INHBB: variants seen among roughly 807,000 people sequenced by gnomAD.
The protein encoded by INHBB is inhibin beta B chain.
INHBB carries 8 observed loss-of-function variants against 28.9 expected under a neutral mutation model. The observed-to-expected ratio is 0.28, with a 90% CI of 0.16 to 0.50. The LOEUF is 0.50. INHBB is among the 20% of genes least tolerant of loss of function. The pLI, the probability that INHBB is intolerant of heterozygous loss-of-function variation, is 0.98. For missense variants in INHBB, 499 were observed against 597.8 expected (o/e 0.83, Z 1.72); for synonymous variants, 293 against 262.7 (o/e 1.12, Z -1.12).
rs1344417224 is a variant in INHBB, at chr2:120,351,598, T to C, written c.*1724T>C. On this transcript the variant is annotated 3_prime_UTR_variant, in exon 2 of 2. Transcript: ENST00000295228. ...TATTCGGTTTGATGTGTCTTTTCCA[T>C]CCTTACACACCCAGAAGGTAGAGTA... The C allele has an allele frequency of 1.3e-5, 2 of 152,198 alleles. No individual in the cohort carries two copies. Among genetic ancestry groups the C allele is most frequent in the Non-Finnish European group, 2.9e-5 (2 of 68,038 alleles). 9.4% of individuals were successfully genotyped at this position (152,198 alleles called of 1,614,324 possible).
At chr2:120,347,064 GGAGA>G (rs919508181) in intron 1 of INHBB, among the ~76,000 whole-genome samples, 1 of 152,226 alleles carries the variant, frequency 6.6e-6, no homozygotes, top group Non-Finnish European at 1.5e-5. Context: ...GTGGGCCGGA[GGAGA>G]GAGAGAGTGT....
Position 120,346,150 on chromosome 2 carries a change from T to G in INHBB, c.-39T>G. 1 of 1,079,058 alleles carries G rather than the reference T, an allele frequency of 9.3e-7. No homozygotes were observed. The highest frequency in any genetic ancestry group is 1.1e-6 in the Non-Finnish European group (1 of 893,764). 66.8% of individuals were successfully genotyped at this position (1,079,058 alleles called of 1,614,324 possible). ...GGCCCTGCGCTCGGCTCGACTCGGC[T>G]CGCCTCGCGGCGGGCGCCCTCGTCG... On this transcript the variant is annotated 5_prime_UTR_variant, in exon 1 of 2. Transcript: ENST00000295228.
rs773182985 is a variant in INHBB at position 120,351,315 on chromosome 2, A to G, written c.*1441A>G. The G allele has an allele frequency of 5.9e-5, 9 of 152,230 alleles. No homozygotes were observed. The highest frequency in any genetic ancestry group is 1.0e-4 in the Non-Finnish European group (7 of 68,038). The allele number at this position is 152,230 out of a possible 1,614,324, so 9.4% of individuals were successfully genotyped here. A position where few individuals can be genotyped will look rare whatever the true frequency, so the allele number is the denominator to read the frequency against. Reference sequence around the variant, plus strand: ...AATCCTTTGCTTCTTTTTTAAGCGAATGATTGCTTTTAATGTTTGCACTGA... The same window carrying G: ...AATCCTTTGCTTCTTTTTTAAGCGAGTGATTGCTTTTAATGTTTGCACTGA... On this transcript the variant is annotated 3_prime_UTR_variant, in exon 2 of 2. Coordinates refer to ENST00000295228, the MANE Select transcript of INHBB (RefSeq NM_002193.4).
Position 120,347,085 on chromosome 2 carries a change from A to G in INHBB, c.448+449A>G, listed in dbSNP as rs1352407228. On this transcript the variant is annotated intron_variant, in intron 1 of 1. Coordinates refer to ENST00000295228, the MANE Select transcript of INHBB (RefSeq NM_002193.4). ...CGGAGGAGAGAGAGAGTGTGTGTGT[A>G]TCTGTGTGTGTGTCTGTGTGTGTGT... Among the ~76,000 whole-genome samples, 5 of 152,072 alleles carry G rather than the reference A, an allele frequency of 3.3e-5. No homozygotes were observed. The East Asian group carries it at 9.7e-4, about 29-fold the overall frequency.
In INHBB at chr2:120,351,185, C is replaced by T. The variant is rs1281409397; in HGVS notation, c.*1311C>T. 1 of 152,682 alleles carries T rather than the reference C, an allele frequency of 6.5e-6. No homozygotes were observed. Among genetic ancestry groups the T allele is most frequent in the African/African-American group, 2.4e-5 (1 of 41,460 alleles). 9.5% of individuals were successfully genotyped at this position (152,682 alleles called of 1,614,324 possible). On this transcript the variant is annotated 3_prime_UTR_variant, in exon 2 of 2. Transcript: ENST00000295228. ...GCCGAGCGCCGAACTCGCTCGCCCT[C>T]TAGATGTCCAAGTGCCACGTGAACT...
rs1015414156 is a variant in INHBB, at chr2:120,346,169, C to T, written c.-20C>T. On this transcript the variant is annotated 5_prime_UTR_variant, in exon 1 of 2. Transcript: ENST00000295228. ...CTCGGCTCGCCTCGCGGCGGGCGCC[C>T]TCGTCGCCAGCGGCGCACCATGGAC... The T allele has an allele frequency of 2.6e-6, 3 of 1,144,118 alleles. No individual in the cohort carries two copies. The highest frequency in any genetic ancestry group is 3.2e-6 in the Non-Finnish European group (3 of 933,382). The allele number at this position is 1,144,118 out of a possible 1,614,324, so 70.9% of individuals were successfully genotyped here.
rs985781096 is a variant in INHBB, at chr2:120,349,035, T to C, written c.449-64T>C. On this transcript the variant is annotated intron_variant, in intron 1 of 1. Coordinates refer to ENST00000295228, the MANE Select transcript of INHBB (RefSeq NM_002193.4). This position sits in a 1 kb window ranked among gnomAD's most constrained non-coding sequence, Gnocchi z 5.6. The stretch of plus-strand genomic sequence containing the variant: ...TTCCAGCATCCTGCAGCAGAGAGTG[T>C]GTTTCCCCCATTGCCTTGTGTTCTC... 1.3e-6 allele frequency: 2 copies of C among 1,514,814 alleles called. No individual in the cohort carries two copies. The highest frequency in any genetic ancestry group is 1.8e-6 in the Non-Finnish European group (2 of 1,122,282). The allele number at this position is 1,514,814 out of a possible 1,614,324, so 93.8% of individuals were successfully genotyped here.
rs1691163748 is a variant in INHBB at position 120,346,757 on chromosome 2, C to A, written c.448+121C>A. The A allele has an allele frequency of 8.0e-6, 8 of 1,004,546 alleles. No individual in the cohort carries two copies. In the South Asian group the frequency reaches 1.8e-4, roughly 22 times the overall value. The allele number at this position is 1,004,546 out of a possible 1,614,324, so 62.2% of individuals were successfully genotyped here. On this transcript the variant is annotated intron_variant, in intron 1 of 1. Coordinates refer to ENST00000295228, the MANE Select transcript of INHBB (RefSeq NM_002193.4). ...CGCGCGCCCTGGGGCAGCCTGGACTCCCGGCAGAGCTCCTTCGGCCGTGGC... is the reference window on the plus strand; with the variant it reads ...CGCGCGCCCTGGGGCAGCCTGGACTACCGGCAGAGCTCCTTCGGCCGTGGC...
In INHBB at chr2:120,349,537, G is replaced by A; in HGVS notation, c.887G>A (p.Cys296Tyr). 6.2e-7 allele frequency: 1 copy of A among 1,613,964 alleles called. No individual in the cohort carries two copies. Among genetic ancestry groups the A allele is most frequent in the Non-Finnish European group, 8.5e-7 (1 of 1,180,042 alleles). The change falls in exon 2 of 2, where the codon TGC (cysteine) becomes TAC (tyrosine). Residue 296 changes from cysteine (C) to tyrosine (Y), a missense_variant. Cys to Tyr is a radical substitution (Grantham distance 194). Around this residue, in one of 2 missense-constraint regions of INHBB, gnomAD observed 114 missense variants for 182.6 expected, o/e 0.62. Coordinates refer to ENST00000295228, the MANE Select transcript of INHBB (RefSeq NM_002193.4). This position sits in a 1 kb window ranked among gnomAD's most constrained non-coding sequence, Gnocchi z 5.6. ...RHRIRKRGLECDGRTNLCCRQ... is the reference protein window; with the variant it reads ...RHRIRKRGLEYDGRTNLCCRQ... ...CGCATTCGCAAGCGAGGCCTGGAGT[G>A]CGATGGCCGGACCAACCTCTGTTGC...
intron 1 of INHBB, among the ~76,000 whole-genome samples, chr2:120,346,936 A>G (rs1001218969): frequency 6.6e-6 from 1 of 152,194 alleles, no homozygotes; most frequent in Non-Finnish European, 1.5e-5. Flanking sequence ...CTCCCGGCAG[A>G]TGCGCGCGGC....
intron 1 of INHBB, among the ~76,000 whole-genome samples, chr2:120,347,367 C>T (rs1243275223): frequency 6.6e-6 from 1 of 150,542 alleles, no homozygotes; most frequent in Non-Finnish European, 1.5e-5. Flanking sequence ...TCGTAGTTAA[C>T]AAAGGGTATG....
chr2:120,346,307 C>T lies in INHBB; in HGVS notation c.119C>T (p.Pro40Leu), dbSNP rs1691150585. 7.3e-7 allele frequency: 1 copy of T among 1,379,066 alleles called. No homozygotes were observed. The allele number at this position is 1,379,066 out of a possible 1,614,324, so 85.4% of individuals were successfully genotyped here. ...CCCCCGCCGACGCCTGCCGCGCCGCCGCCACCCCCGCCACCCGGATCCCCG... is the reference window on the plus strand; with the variant it reads ...CCCCCGCCGACGCCTGCCGCGCCGCTGCCACCCCCGCCACCCGGATCCCCG... ...PTPPPTPAAP[P>L]PPPPPGSPGG... Residue 40 changes from proline (P) to leucine (L), a missense_variant, in exon 1 of 2, where the codon CCG becomes CTG. This residue lies in a region of INHBB where 385 missense variants were observed against 415.2 expected (regional missense o/e 0.93). Transcript: ENST00000295228.
At chr2:120,348,270 G>A (rs1399369047) in intron 1 of INHBB, among the ~76,000 whole-genome samples, 1 of 149,930 alleles carries the variant, frequency 6.7e-6, no homozygotes, top group African/African-American at 2.5e-5. Context: ...GATTGTCAGA[G>A]GCAAGGGTCA....
chr2:120,346,459 C>T lies in INHBB; in HGVS notation c.271C>T (p.Arg91Trp). 1 of 1,557,972 alleles carries T rather than the reference C, an allele frequency of 6.4e-7. No homozygotes were observed. The highest frequency in any genetic ancestry group is 8.6e-7 in the Non-Finnish European group (1 of 1,160,354). The part of the protein sequence containing the change: ...HILSRLQMRG[R>W]PNITHAVPKA... ...CTTGAGCCGCCTGCAGATGCGGGGC[C>T]GGCCCAACATCACGCACGCCGTGCC... Residue 91 changes from arginine to tryptophan, a missense_variant, in exon 1 of 2, where the codon CGG becomes TGG. By Grantham distance (101) the Arg-to-Trp change is moderately radical. Transcript: ENST00000295228.
rs1691250629 is a variant in INHBB, at chr2:120,351,107, A to AC, written c.*1233_*1234insC. ...CGCATAGCACTTGCAGACCTGCCTGAACGCACATGACATAGCACTTGCCGA... is the reference window on the plus strand; with the variant it reads ...CGCATAGCACTTGCAGACCTGCCTGACACGCACATGACATAGCACTTGCCGA... On this transcript the variant is annotated 3_prime_UTR_variant, in exon 2 of 2. Transcript: ENST00000295228. The AC allele has an allele frequency of 6.5e-6, 1 of 152,732 alleles. No individual in the cohort carries two copies. Among genetic ancestry groups the AC allele is most frequent in the African/African-American group, 2.4e-5 (1 of 41,452 alleles). The allele number at this position is 152,732 out of a possible 1,614,324, so 9.5% of individuals were successfully genotyped here.
Position 120,346,289 on chromosome 2 carries a change from C to A in INHBB, c.101C>A (p.Pro34Gln). Residue 34 changes from proline (P) to glutamine (Q), a missense_variant, in exon 1 of 2, where the codon CCG (proline) becomes CAG (glutamine). By Grantham distance (76) the Pro-to-Gln change is moderately conservative. Around this residue, in one of 2 missense-constraint regions of INHBB, gnomAD observed 385 missense variants for 415.2 expected, o/e 0.93. Transcript: ENST00000295228. Reference sequence around the variant, plus strand: ...GCCTGGGGCTCACCCACGCCCCCGCCGACGCCTGCCGCGCCGCCGCCACCC... The same window carrying A: ...GCCTGGGGCTCACCCACGCCCCCGCAGACGCCTGCCGCGCCGCCGCCACCC... ...PEAWGSPTPP[P>Q]TPAAPPPPPP... 7.3e-7 allele frequency: 1 copy of A among 1,373,152 alleles called. No individual in the cohort carries two copies. The highest frequency in any genetic ancestry group is 1.7e-5 in the South Asian group (1 of 58,704). The allele number at this position is 1,373,152 out of a possible 1,614,324, so 85.1% of individuals were successfully genotyped here.
At position 120,350,639 on chromosome 2, in the gene INHBB, G is replaced by C. The variant is rs1691243605; in HGVS notation, c.*765G>C. The C allele has an allele frequency of 6.6e-6, 1 of 152,334 alleles. No homozygotes were observed. Among genetic ancestry groups the C allele is most frequent in the Non-Finnish European group, 1.5e-5 (1 of 68,066 alleles). 9.4% of individuals were successfully genotyped at this position (152,334 alleles called of 1,614,324 possible). A position where few individuals can be genotyped will look rare whatever the true frequency, so the allele number is the denominator to read the frequency against. The stretch of plus-strand genomic sequence containing the variant: ...GGGTGGGGAGGGAGGGAGAGAAGAG[G>C]GGGCTAAATTTGATGCTTTAACTGA... On this transcript the variant is annotated 3_prime_UTR_variant, in exon 2 of 2. Transcript: ENST00000295228.
intron 1 of INHBB, among the ~76,000 whole-genome samples, chr2:120,347,986 G>C (rs1691191306): frequency 6.6e-6 from 1 of 152,184 alleles, no homozygotes; most frequent in Admixed American, 6.5e-5. Flanking sequence ...AGCGGGGGCT[G>C]TTATATTTCT....
At chr2:120,348,770 C>G (rs1180091816) in intron 1 of INHBB, among the ~76,000 whole-genome samples, 1 of 150,388 alleles carries the variant, frequency 6.6e-6, no homozygotes, top group Non-Finnish European at 1.5e-5. Flanking sequence ...TTGTTAAGAT[C>G]TTGGCCCCCT....
Sources: allele counts gnomAD v4.1 joint callset (sites outside exome capture counted in the v4.1 genomes callset), GRCh38; gene constraint gnomAD v4.1.1; regional missense constraint gnomAD v4.1.1; non-coding constraint Gnocchi (gnomAD v3.1); transcripts MANE v1.5; gene names NCBI Gene and HGNC (gene_info 2026-07-23, HGNC 2026-07-21).